The following FLAD1 variants were observed in gnomAD, a reference collection of about 807,000 sequenced individuals.
FLAD1 encodes bifunctional FAD diphosphatase/FAD synthase.
In FLAD1, 35 loss-of-function variants were observed where a neutral mutation model predicts 55.0. The ratio of observed to expected loss-of-function variants is 0.64; its 90% CI spans 0.49 to 0.84. The LOEUF is 0.84. Among genes scored for constraint, FLAD1 ranks in the 40% least tolerant of loss-of-function variants. The pLI, the probability that FLAD1 is intolerant of heterozygous loss-of-function variation, is 0.00. For missense variants in FLAD1, 665 were observed against 742.6 expected, an observed-to-expected ratio of 0.90 and a Z score of 1.21; for synonymous variants, 267 against 303.0, an observed-to-expected ratio of 0.88 and a Z score of 1.23.
At chr1:154,989,815 C>A in intron 3 of FLAD1, 108 bp downstream of exon 3, 1 of 1,213,730 alleles carries the variant, frequency 8.2e-7, no homozygotes, top group Non-Finnish European at 1.1e-6. Context: ...GGGAGATAGT[C>A]ATGGTGACCT....
intron 5 of FLAD1, among the ~76,000 whole-genome samples, chr1:154,991,382 C>T (rs1657861462): frequency 6.6e-6 from 1 of 151,092 alleles, no homozygotes; most frequent in African/African-American, 2.4e-5. Flanking sequence ...TGATGAAACC[C>T]AGTCTCTACT....
rs529086535 is a variant in FLAD1 at position 154,987,773 on chromosome 1, C to CA, written c.373-324dup. ...GCAACATGGCAAGACCCCATTTCTACAAAAAAAATTTAAAATGAGCTGAAT... is the reference window on the plus strand; with the variant it reads ...GCAACATGGCAAGACCCCATTTCTACAAAAAAAAATTTAAAATGAGCTGAAT... On this transcript the variant is annotated intron_variant, in intron 1 of 6. Coordinates refer to ENST00000292180, the MANE Select transcript of FLAD1 (RefSeq NM_025207.5). 583 of 489,596 alleles carry CA rather than the reference C, an allele frequency of 1.2e-3. 1 individual carries two copies. The highest frequency in any genetic ancestry group is 0.01 in the African/African-American group (517 of 51,080). 30.3% of individuals were successfully genotyped at this position (489,596 alleles called of 1,614,324 possible).
At chr1:154,987,694 T>C in intron 1 of FLAD1, 2 of 272,528 alleles carry the variant, frequency 7.3e-6, no homozygotes, top group South Asian at 4.9e-5. Flanking sequence ...TCCAGCACTT[T>C]GGGAGGCTGA....
chr1:154,989,741 C>G, intron 3 of FLAD1, 34 bp downstream of exon 3: 1 of 1,484,716 alleles, frequency 6.7e-7, no homozygotes, highest in South Asian at 1.4e-5. Flanking sequence ...GACCCCTGAT[C>G]TGTTTCTCCA....
rs1657726294 is a variant in FLAD1 at position 154,988,591 on chromosome 1, G to T, written c.859G>T (p.Ala287Ser). 3 of 1,614,238 alleles carry T rather than the reference G, an allele frequency of 1.9e-6. No individual in the cohort carries two copies. The highest frequency in any genetic ancestry group is 2.5e-6 in the Non-Finnish European group (3 of 1,180,044). ...VQFHSKELYVAADEASIAPIL... is the reference protein window; with the variant it reads ...VQFHSKELYVSADEASIAPIL... ...GTTCCACTCAAAGGAGCTATATGTG[G>T]CTGCTGATGAAGCCTCCATCGCCCC... The change falls in exon 2 of 7, where the codon GCT (alanine) becomes TCT (serine). Residue 287 changes from alanine to serine, a missense_variant. Transcript: ENST00000292180.
chr1:154,983,873 G>A lies in FLAD1; in HGVS notation c.179G>A (p.Gly60Asp), dbSNP rs908874898. The stretch of plus-strand genomic sequence containing the variant: ...TCGACCCAGGACCCCCTGTTCCCAG[G>A]CTATGGCCCCCAGTGCCCTGTAGAC... Reference protein sequence around the residue: ...VPSTQDPLFPGYGPQCPVDLA... With the variant: ...VPSTQDPLFPDYGPQCPVDLA... Residue 60 changes from glycine to aspartate, a missense_variant, in exon 1 of 7, where the codon GGC becomes GAC. Transcript: ENST00000292180. 5.0e-6 allele frequency: 8 copies of A among 1,613,988 alleles called. No individual in the cohort carries two copies. Among genetic ancestry groups the A allele is most frequent in the Non-Finnish European group, 6.8e-6 (8 of 1,179,992 alleles).
intron 1 of FLAD1, among the ~76,000 whole-genome samples, chr1:154,985,688 TGA>T (rs1657555841): frequency 6.7e-6 from 1 of 148,160 alleles, no homozygotes. Flanking sequence ...ATTACAGGCG[TGA>T]GCCACCTCAC....
At chr1:154,986,704 C>CCTTTTTT (rs1657626991) in intron 1 of FLAD1, among the ~76,000 whole-genome samples, 1 of 91,698 alleles carries the variant, frequency 1.1e-5, no homozygotes. Flanking sequence ...GCCCCCCACC[C>CCTTTTTT]TTTTTTTTTT....
chr1:154,983,750 T>C lies in FLAD1; in HGVS notation c.56T>C (p.Leu19Ser), dbSNP rs879823603. The change falls in exon 1 of 7, where the codon TTG (leucine) becomes TCG (serine). Residue 19 changes from leucine to serine, a missense_variant. Transcript: ENST00000292180. ...CAGAGGCAGGAACAAAGGAGTCGCT[T>C]GTCAAGGATCTGGTTAGAGAAGACT... ...LFQRQEQRSR[L>S]SRIWLEKTRV... 1.2e-6 allele frequency: 2 copies of C among 1,613,984 alleles called. No homozygotes were observed. The highest frequency in any genetic ancestry group is 8.5e-7 in the Non-Finnish European group (1 of 1,179,954).
In FLAD1 at chr1:154,993,098, T is replaced by C. The variant is rs1657955622; in HGVS notation, c.*61T>C. ...TAGGGTATAACCTGGCAATAAACCG[T>C]GCCTCTCACTGTGCCTGTTGCTCTA... On this transcript the variant is annotated 3_prime_UTR_variant, in exon 7 of 7. Transcript: ENST00000292180. 2 of 1,498,202 alleles carry C rather than the reference T, an allele frequency of 1.3e-6. No individual in the cohort carries two copies. The highest frequency in any genetic ancestry group is 3.4e-5 in the Admixed American group (2 of 59,296). The allele number at this position is 1,498,202 out of a possible 1,614,324, so 92.8% of individuals were successfully genotyped here.
At position 154,993,088 on chromosome 1, in the gene FLAD1, C is replaced by A; in HGVS notation, c.*51C>A. On this transcript the variant is annotated 3_prime_UTR_variant, in exon 7 of 7. Transcript: ENST00000292180. ...GACACCGTCCTAGGGTATAACCTGGCAATAAACCGTGCCTCTCACTGTGCC... is the reference window on the plus strand; with the variant it reads ...GACACCGTCCTAGGGTATAACCTGGAAATAAACCGTGCCTCTCACTGTGCC... The A allele has an allele frequency of 6.4e-7, 1 of 1,560,772 alleles. No individual in the cohort carries two copies. The highest frequency in any genetic ancestry group is 8.8e-7 in the Non-Finnish European group (1 of 1,133,860).
In FLAD1 at chr1:154,983,405, T is replaced by G. The variant is rs909167768; in HGVS notation, c.-290T>G. On this transcript the variant is annotated 5_prime_UTR_variant, in exon 1 of 7. Transcript: ENST00000292180. ...AAGGGGCAGAACAGGCAGGTGAGAG[T>G]CTAAGAGGGCTCAGTAATCTGAAGC... The G allele has an allele frequency of 3.2e-6, 1 of 314,184 alleles. No homozygotes were observed. The highest frequency in any genetic ancestry group is 4.5e-5 in the Admixed American group (1 of 22,010). 19.5% of individuals were successfully genotyped at this position (314,184 alleles called of 1,614,324 possible).
intron 2 of FLAD1, 24 bp downstream of exon 2, chr1:154,988,873 C>A: frequency 6.2e-7 from 1 of 1,613,596 alleles, no homozygotes; most frequent in Non-Finnish European, 8.5e-7. Context: ...GGAGGAGGGG[C>A]ATTATGCCCA....
chr1:154,983,652 A>G lies in FLAD1; in HGVS notation c.-43A>G. The G allele has an allele frequency of 6.4e-7, 1 of 1,560,824 alleles. No homozygotes were observed. The highest frequency in any genetic ancestry group is 8.7e-7 in the Non-Finnish European group (1 of 1,152,710). On this transcript the variant is annotated 5_prime_UTR_variant, in exon 1 of 7. Transcript: ENST00000292180. ...TAAAGTGGTAGGTTCTCAAGAGAGA[A>G]GAAGTTTTTAAGACTAGAGCTAAGC...
chr1:154,986,023 G>A (rs1299905371), intron 1 of FLAD1, among the ~76,000 whole-genome samples: 4 of 135,588 alleles, frequency 3.0e-5, no homozygotes, highest in Non-Finnish European at 6.5e-5. Flanking sequence ...GCCCGGCTGT[G>A]TGTGTGTGTG....
intron 5 of FLAD1, among the ~76,000 whole-genome samples, chr1:154,991,711 G>A (rs759103299): frequency 6.6e-5 from 10 of 152,194 alleles, no homozygotes; most frequent in African/African-American, 1.2e-4. Flanking sequence ...CTGGGAGGCC[G>A]AGGTGGGCTG....
chr1:154,983,581 G>A lies in FLAD1; in HGVS notation c.-114G>A. 1.7e-6 allele frequency: 2 copies of A among 1,150,836 alleles called. No homozygotes were observed. 71.3% of individuals were successfully genotyped at this position (1,150,836 alleles called of 1,614,324 possible). On this transcript the variant is annotated 5_prime_UTR_variant, in exon 1 of 7. Coordinates refer to ENST00000292180, the MANE Select transcript of FLAD1 (RefSeq NM_025207.5). ...ATTTAAAGGGGTACGGATGCCCAAG[G>A]TAGAGCAGACACTTGAGGAGACCAG... is the stretch of plus-strand genomic sequence containing the variant.
intron 4 of FLAD1, 30 bp from the exon 5 acceptor site, chr1:154,990,309 G>T (rs1228413925): frequency 6.2e-7 from 1 of 1,613,492 alleles, no homozygotes; most frequent in South Asian, 1.1e-5. Context: ...CAGAGCCCAC[G>T]CCCGACCCCT....
chr1:154,985,943 C>T lies in FLAD1; in HGVS notation c.372+1877C>T, dbSNP rs1657574769. ...GTTTCTCCATGTTGGTCAGGCTGGTCTCGAACTCCTGACCTCAGGTGATCC... is the reference window on the plus strand; with the variant it reads ...GTTTCTCCATGTTGGTCAGGCTGGTTTCGAACTCCTGACCTCAGGTGATCC... On this transcript the variant is annotated intron_variant, in intron 1 of 6. Transcript: ENST00000292180. Among the ~76,000 whole-genome samples the T allele has an allele frequency of 2.7e-5, 4 of 150,942 alleles. 1 individual carries two copies. In the South Asian group the frequency reaches 8.4e-4, roughly 32 times the overall value.
Sources: gnomAD v4.1 joint callset for allele counts (sites outside exome capture counted in the v4.1 genomes callset) on GRCh38, gnomAD v4.1.1 for gene constraint, MANE v1.5 for transcripts, NCBI Gene and HGNC (gene_info 2026-07-23, HGNC 2026-07-21) for gene names.